Variants in PTK7 observed in about 807,000 individuals in gnomAD.
PTK7 encodes the protein inactive tyrosine-protein kinase 7.
In PTK7, 39 loss-of-function variants were observed where a neutral mutation model predicts 116.6. That is an observed-to-expected ratio of 0.33 (90% CI 0.26 to 0.44). The LOEUF (loss-of-function observed/expected upper bound fraction) is 0.44, where lower values mean the gene tolerates loss of function less well. Among genes scored for constraint, PTK7 ranks in the 20% least tolerant of loss-of-function variants. The probability of loss-of-function intolerance (pLI) is 1.00; values close to 1 mark genes in which losing one functional copy is unlikely to be tolerated. For synonymous variants in PTK7, 546 were observed against 563.6 expected, an observed-to-expected ratio of 0.97 and a Z score of 0.44; for missense variants, 1,169 against 1,425.6, an observed-to-expected ratio of 0.82 and a Z score of 2.90.
chr6:43,160,155 G>T (rs922340679), intron 19 of PTK7, among the ~76,000 whole-genome samples, 189 bp downstream of exon 19: 1 of 152,142 alleles, frequency 6.6e-6, no homozygotes, highest in Admixed American at 6.5e-5. Context: ...TCGCCCTGTC[G>T]CCCAGACTGG....
chr6:43,128,054 T>C (rs994445215), intron 1 of PTK7, among the ~76,000 whole-genome samples: 8 of 152,208 alleles, frequency 5.3e-5, no homozygotes, highest in African/African-American at 1.9e-4. Context: ...CTGGGAAACG[T>C]TGGGCTGCAG....
chr6:43,128,123 G>A (rs1390051382), intron 1 of PTK7, among the ~76,000 whole-genome samples: 1 of 152,206 alleles, frequency 6.6e-6, no homozygotes, highest in Non-Finnish European at 1.5e-5. Flanking sequence ...TGCTGGCACC[G>A]TCGAGGGGCA....
intron 1 of PTK7, among the ~76,000 whole-genome samples, chr6:43,118,504 C>A (rs1401179029): frequency 6.6e-6 from 1 of 151,226 alleles, no homozygotes; most frequent in East Asian, 1.9e-4. Context: ...CCACTGCACT[C>A]CAGCCTGGAT....
In PTK7 at chr6:43,076,979, C is replaced by A. The variant is rs1406158985; in HGVS notation, c.79+412C>A. 2.0e-6 allele frequency: 3 copies of A among 1,502,410 alleles called. No individual in the cohort carries two copies. The South Asian group carries it at 3.7e-5, about 19-fold the overall frequency. The allele number at this position is 1,502,410 out of a possible 1,614,324, so 93.1% of individuals were successfully genotyped here. The stretch of plus-strand genomic sequence containing the variant: ...AATTCCCCACCCCACCCGGCAGGGT[C>A]GGCCCAGGTAAGAGTTGCTGGTTTG... On this transcript the variant is annotated intron_variant, in intron 1 of 19. Coordinates refer to ENST00000230419, the MANE Select transcript of PTK7 (RefSeq NM_002821.5). The surrounding 1 kb of genome is among the most constrained non-coding windows in gnomAD (Gnocchi z 5.7).
At chr6:43,121,586 G>C (rs1561958660) in intron 1 of PTK7, among the ~76,000 whole-genome samples, 1 of 152,180 alleles carries the variant, frequency 6.6e-6, no homozygotes, top group Admixed American at 6.5e-5. Context: ...CAGCTCACTG[G>C]GTCTTGGAGT....
chr6:43,106,365 T>C (rs543230494), intron 1 of PTK7, among the ~76,000 whole-genome samples: 1 of 152,256 alleles, frequency 6.6e-6, no homozygotes, highest in South Asian at 2.1e-4. Flanking sequence ...TGGAGTGCCC[T>C]GGCACAATCA....
At chr6:43,078,309 AG>A (rs1385088281) in intron 1 of PTK7, among the ~76,000 whole-genome samples, 3 of 150,366 alleles carry the variant, frequency 2.0e-5, no homozygotes, top group African/African-American at 7.4e-5. Context: ...GGGCAGGCTG[AG>A]GGCTTAGGAC....
At chr6:43,130,183 C>A in intron 3 of PTK7, 47 bp from the exon 4 acceptor site, 1 of 1,507,282 alleles carries the variant, frequency 6.6e-7, no homozygotes, top group Non-Finnish European at 8.9e-7. Flanking sequence ...TCTCCACTGG[C>A]CACTGAGTAC....
In PTK7 at chr6:43,138,985, G is replaced by A; in HGVS notation, c.1362+3G>A. ...GAAACCAGATGCTCATCTCAGAGGT[G>A]AGAAAGAAGAGTGTTGCTAGTGGAT... On this transcript the variant is annotated splice_donor_region_variant and intron_variant, in intron 8 of 19. Coordinates refer to ENST00000230419, the MANE Select transcript of PTK7 (RefSeq NM_002821.5). The A allele has an allele frequency of 6.2e-7, 1 of 1,613,134 alleles. No individual in the cohort carries two copies. Among genetic ancestry groups the A allele is most frequent in the South Asian group, 1.1e-5 (1 of 91,002 alleles).
At chr6:43,157,789 C>T (rs1398329380) in intron 17 of PTK7, among the ~76,000 whole-genome samples, 1 of 151,814 alleles carries the variant, frequency 6.6e-6, no homozygotes, top group East Asian at 2.0e-4. Flanking sequence ...TGCAATGGCG[C>T]AATCTCGGCT....
chr6:43,135,200 A>C (rs1161091336), intron 7 of PTK7, among the ~76,000 whole-genome samples: 1 of 152,198 alleles, frequency 6.6e-6, no homozygotes, highest in Non-Finnish European at 1.5e-5. Context: ...TCTGAGAAGG[A>C]GGCCTGTGGC....
chr6:43,137,645 T>G (rs1738266465), intron 7 of PTK7, among the ~76,000 whole-genome samples: 1 of 152,210 alleles, frequency 6.6e-6, no homozygotes, highest in African/African-American at 2.4e-5. Flanking sequence ...GAGTGAGTGT[T>G]GCTAAAACAG....
intron 1 of PTK7, among the ~76,000 whole-genome samples, chr6:43,082,238 C>G (rs1020252723): frequency 2.6e-5 from 4 of 152,104 alleles, no homozygotes; most frequent in Non-Finnish European, 4.4e-5. Flanking sequence ...TGCAGTGGCA[C>G]GATCTTGGCT....
intron 17 of PTK7, among the ~76,000 whole-genome samples, chr6:43,158,031 G>T (rs1418852064): frequency 2.6e-5 from 4 of 152,082 alleles, no homozygotes; most frequent in Non-Finnish European, 4.4e-5. Context: ...GGGCGCAGTG[G>T]CTCATGCCTG....
At chr6:43,095,722 T>G (rs1767214816) in intron 1 of PTK7, among the ~76,000 whole-genome samples, 1 of 152,210 alleles carries the variant, frequency 6.6e-6, no homozygotes, top group East Asian at 1.9e-4. Context: ...ATTGAAATGT[T>G]CTTCCTGATT....
chr6:43,158,158 G>A (rs1771625893), intron 17 of PTK7, among the ~76,000 whole-genome samples: 1 of 152,024 alleles, frequency 6.6e-6, no homozygotes, highest in South Asian at 2.1e-4. Flanking sequence ...AATTAGCTGG[G>A]CGTAGTGGCA....
intron 1 of PTK7, among the ~76,000 whole-genome samples, chr6:43,116,603 TTTGTGTGTGTGTGTG>T (rs1280218769): frequency 5.1e-4 from 64 of 126,252 alleles, no homozygotes; most frequent in African/African-American, 1.5e-3. Context: ...GAAAAGCTGG[TTTGTGTGTGTGTGTG>T]TGTGTGTGTG....
chr6:43,151,510 GCC>G (rs1771082472), intron 17 of PTK7, among the ~76,000 whole-genome samples: 4 of 132,230 alleles, frequency 3.0e-5, no homozygotes, highest in Non-Finnish European at 4.8e-5. Context: ...CCGCGCCCAA[GCC>G]CCGTTTTTTT....
At position 43,144,593 on chromosome 6, in the gene PTK7, C is replaced by T; in HGVS notation, c.2394C>T (p.Pro798=). The T allele has an allele frequency of 6.2e-7, 1 of 1,611,664 alleles. No individual in the cohort carries two copies. Among genetic ancestry groups the T allele is most frequent in the Non-Finnish European group, 8.5e-7 (1 of 1,178,358 alleles). The change falls in exon 15 of 20, where the codon CCC becomes CCT. Residue 798 remains proline (P), a synonymous_variant. Transcript: ENST00000230419. ...ACTTCCCACGGTCTAGCCTGCAGCC[C>T]ATCACCACGCTGGGTATGTTGCCTT... ...KMHFPRSSLQ[P]ITTLGKSEFG...
Sources: gnomAD v4.1 joint callset for allele counts (sites outside exome capture counted in the v4.1 genomes callset) on GRCh38, gnomAD v4.1.1 for gene constraint, Gnocchi (gnomAD v3.1) non-coding constraint, MANE v1.5 for transcripts, NCBI Gene and HGNC (gene_info 2026-07-23, HGNC 2026-07-21) for gene names.